The following CNKSR3 variants were observed in gnomAD, a reference collection of about 807,000 sequenced individuals.
The protein encoded by CNKSR3 is connector enhancer of kinase suppressor of ras 3.
In CNKSR3, 36 loss-of-function variants were observed where a neutral mutation model predicts 67.7. The observed-to-expected ratio is 0.53, with a 90% CI of 0.41 to 0.70. The LOEUF (loss-of-function observed/expected upper bound fraction) is 0.70, where lower values mean the gene tolerates loss of function less well. CNKSR3 is among the 30% of genes least tolerant of loss of function. The pLI, the probability that CNKSR3 is intolerant of heterozygous loss-of-function variation, is 0.00. For missense variants in CNKSR3, 630 were observed against 695.2 expected (o/e 0.91, Z 1.05); for synonymous variants, 281 against 271.4 (o/e 1.04, Z -0.35).
intron 1 of CNKSR3, among the ~76,000 whole-genome samples, chr6:154,509,569 TCGGCGG>T (rs1300363738): frequency 3.3e-5 from 5 of 152,192 alleles, no homozygotes; most frequent in African/African-American, 1.2e-4. Flanking sequence ...ACAGACAGGC[TCGGCGG>T]ACCCGCCGGA....
chr6:154,406,161 C>A lies in CNKSR3; in HGVS notation c.*193G>T, dbSNP rs1784783672. ...CTCCTTTTGTCTCCACAAGCCAGCA[C>A]CTAAGATCCTCTGAATTTGTTCCCA... On this transcript the variant is annotated 3_prime_UTR_variant, in exon 13 of 13. Coordinates refer to ENST00000607772, the MANE Select transcript of CNKSR3 (RefSeq NM_173515.4). 3.3e-6 allele frequency: 2 copies of A among 599,886 alleles called. No homozygotes were observed. The highest frequency in any genetic ancestry group is 1.9e-5 in the African/African-American group (1 of 53,868). 37.2% of individuals were successfully genotyped at this position (599,886 alleles called of 1,614,324 possible).
In CNKSR3 at chr6:154,398,725, T is replaced by C. The variant is rs1035632953; in HGVS notation, c.*7629A>G. 3.9e-5 allele frequency: 6 copies of C among 152,140 alleles called. No homozygotes were observed. Among genetic ancestry groups the C allele is most frequent in the African/African-American group, 9.7e-5 (4 of 41,436 alleles). The allele number at this position is 152,140 out of a possible 1,614,324, so 9.4% of individuals were successfully genotyped here. A position where few individuals can be genotyped will look rare whatever the true frequency, so the allele number is the denominator to read the frequency against. ...CCCTTTGTTTTCATATACGATTTCA[T>C]TGAAGGAAGTGGAAGGGATTTAATA... On this transcript the variant is annotated 3_prime_UTR_variant, in exon 13 of 13. Transcript: ENST00000607772.
intron 1 of CNKSR3, among the ~76,000 whole-genome samples, chr6:154,467,641 T>C (rs1786231712): frequency 6.6e-6 from 1 of 152,230 alleles, no homozygotes; most frequent in Non-Finnish European, 1.5e-5. Context: ...CAGTCTTCTA[T>C]TGAAAAATAA....
intron 1 of CNKSR3, among the ~76,000 whole-genome samples, chr6:154,453,089 C>T (rs1376441720): frequency 6.6e-6 from 1 of 152,208 alleles, no homozygotes; most frequent in Non-Finnish European, 1.5e-5. Context: ...AAGCTCACTG[C>T]TCATAATACA....
intron 9 of CNKSR3, chr6:154,414,915 G>A: frequency 2.3e-6 from 1 of 425,818 alleles, no homozygotes; most frequent in Non-Finnish European, 4.8e-6. Flanking sequence ...GGGCAACATG[G>A]CGATACCCAG....
intron 1 of CNKSR3, among the ~76,000 whole-genome samples, chr6:154,475,687 C>T (rs1232049625): frequency 6.6e-6 from 1 of 152,192 alleles, no homozygotes; most frequent in Non-Finnish European, 1.5e-5. Context: ...CAGCCCTAGG[C>T]CTTCCTGGGG....
In CNKSR3 at chr6:154,452,923, T is replaced by C. The variant is rs1482046092; in HGVS notation, c.53-2665A>G. On this transcript the variant is annotated intron_variant, in intron 1 of 12. Transcript: ENST00000607772. Reference sequence around the variant, plus strand: ...TCTAGCCTCCAAAATGGTGATGAGATAAATTTCTGTTGTTCCGGCCTCCCA... The same window carrying C: ...TCTAGCCTCCAAAATGGTGATGAGACAAATTTCTGTTGTTCCGGCCTCCCA... 3.9e-5 allele frequency among the ~76,000 whole-genome samples: 6 copies of C among 152,248 alleles called. No homozygotes were observed. The South Asian group carries it at 6.2e-4, about 16-fold the overall frequency.
intron 9 of CNKSR3, 134 bp downstream of exon 9, chr6:154,422,372 G>T: frequency 1.3e-6 from 1 of 788,466 alleles, no homozygotes; most frequent in Non-Finnish European, 2.1e-6. Flanking sequence ...TTTTCACATA[G>T]GCAGGAGTAT....
At chr6:154,477,095 T>G (rs937807028) in intron 1 of CNKSR3, among the ~76,000 whole-genome samples, 6 of 152,200 alleles carry the variant, frequency 3.9e-5, no homozygotes, top group African/African-American at 1.4e-4. Context: ...CAGGATGTCC[T>G]GAAGCCAATT....
At chr6:154,455,703 T>C (rs1372881407) in intron 1 of CNKSR3, among the ~76,000 whole-genome samples, 1 of 152,202 alleles carries the variant, frequency 6.6e-6, no homozygotes, top group Non-Finnish European at 1.5e-5. Context: ...ATTATAGGCA[T>C]AAGCCAACAT....
intron 4 of CNKSR3, among the ~76,000 whole-genome samples, chr6:154,437,499 C>T (rs746978104): frequency 1.7e-4 from 26 of 149,154 alleles, no homozygotes; most frequent in African/African-American, 4.0e-4. Context: ...CTGCAACCTC[C>T]GCCTCCCAGG....
chr6:154,405,205 C>T lies in CNKSR3; in HGVS notation c.*1149G>A, dbSNP rs892456840. On this transcript the variant is annotated 3_prime_UTR_variant, in exon 13 of 13. Coordinates refer to ENST00000607772, the MANE Select transcript of CNKSR3 (RefSeq NM_173515.4). ...AATACTGCCCTGCTGGCAACAGCCA[C>T]GATAGTCACTTGCTCATCTGAAAAT... is the stretch of plus-strand genomic sequence containing the variant. The T allele has an allele frequency of 4.6e-5, 7 of 152,582 alleles. No homozygotes were observed. The highest frequency in any genetic ancestry group is 2.1e-4 in the South Asian group (1 of 4,828). 9.5% of individuals were successfully genotyped at this position (152,582 alleles called of 1,614,324 possible).
intron 1 of CNKSR3, 39 bp downstream of exon 1, chr6:154,510,024 G>A (rs1049599100): frequency 6.2e-7 from 1 of 1,612,096 alleles, no homozygotes. Context: ...CCCCATCCCC[G>A]AGGCTGGAGG....
At chr6:154,470,066 G>T (rs1349047477) in intron 1 of CNKSR3, among the ~76,000 whole-genome samples, 1 of 150,658 alleles carries the variant, frequency 6.6e-6, no homozygotes, top group Non-Finnish European at 1.5e-5. Context: ...AACCTACATT[G>T]TTCAAGGGTC....
intron 1 of CNKSR3, among the ~76,000 whole-genome samples, chr6:154,460,340 G>A (rs1786052511): frequency 6.6e-6 from 1 of 152,162 alleles, no homozygotes; most frequent in Non-Finnish European, 1.5e-5. Flanking sequence ...AGATAATACT[G>A]AGGGCAGGGA....
chr6:154,510,041 G>T (rs746301886), intron 1 of CNKSR3, 22 bp downstream of exon 1: 20 of 1,613,644 alleles, frequency 1.2e-5, no homozygotes, highest in Non-Finnish European at 1.7e-5. Flanking sequence ...GAGGACTCCG[G>T]ACCCCCCCAA....
chr6:154,416,360 A>G (rs960627647), intron 9 of CNKSR3, among the ~76,000 whole-genome samples: 5 of 152,122 alleles, frequency 3.3e-5, no homozygotes, highest in Non-Finnish European at 7.4e-5. Context: ...GAACCCCCAT[A>G]TTTTAAACCG....
intron 1 of CNKSR3, among the ~76,000 whole-genome samples, chr6:154,472,357 T>C (rs75539268): frequency 0.015 from 2,287 of 152,326 alleles, 63 homozygotes; most frequent in African/African-American, 0.052. Flanking sequence ...CTAAATAGTA[T>C]ATTACATTAA....
At position 154,393,635 on chromosome 6, in the gene CNKSR3, T is replaced by C. The variant is rs904126177; in HGVS notation, c.*12719A>G. On this transcript the variant is annotated 3_prime_UTR_variant, in exon 13 of 13. Transcript: ENST00000607772. ...AAATTTTCTTTAAGGTGTCCTATGATGAGGAAAAGTTCTAAGCTTTAGCGT... is the reference window on the plus strand; with the variant it reads ...AAATTTTCTTTAAGGTGTCCTATGACGAGGAAAAGTTCTAAGCTTTAGCGT... The C allele has an allele frequency of 1.3e-5, 2 of 152,250 alleles. No homozygotes were observed. Among genetic ancestry groups the C allele is most frequent in the Non-Finnish European group, 2.9e-5 (2 of 68,044 alleles). 9.4% of individuals were successfully genotyped at this position (152,250 alleles called of 1,614,324 possible).
Sources: allele counts gnomAD v4.1 joint callset (sites outside exome capture counted in the v4.1 genomes callset), GRCh38; gene constraint gnomAD v4.1.1; transcripts MANE v1.5; gene names NCBI Gene and HGNC (gene_info 2026-07-23, HGNC 2026-07-21).